Variants in PIK3C2A observed in about 807,000 individuals in gnomAD.
PIK3C2A encodes the protein phosphatidylinositol 4-phosphate 3-kinase C2 domain-containing subunit alpha.
PIK3C2A carries 97 observed loss-of-function variants against 204.5 expected under a neutral mutation model. The observed-to-expected ratio is 0.47, with a 90% confidence interval of 0.40 to 0.56. PIK3C2A has a LOEUF of 0.56. Ranked by LOEUF, PIK3C2A falls within the 20% of genes least tolerant of loss-of-function variation. The pLI is 0.00. For synonymous variants in PIK3C2A, 653 were observed against 664.4 expected, an observed-to-expected ratio of 0.98 and a Z score of 0.26; for missense variants, 1,735 against 1,969.2, an observed-to-expected ratio of 0.88 and a Z score of 2.25.
intron 1 of PIK3C2A, among the ~76,000 whole-genome samples, chr11:17,189,428 A>G (rs1374986586): frequency 1.4e-5 from 2 of 146,138 alleles, no homozygotes; most frequent in East Asian, 3.9e-4. Context: ...CAGCGTGGCC[A>G]AGATGGTGAA....
chr11:17,145,712 A>C lies in PIK3C2A; in HGVS notation c.1660T>G (p.Leu554Val). ...TCTACTTGGTTGTGATAAGAATCTA[A>C]GAGTTCTTCAACAGGGTGTCTGAAA... ...AMTRHPVEEL[L>V]DSYHNQVELA... is the part of the protein sequence containing the mutation. Residue 554 changes from leucine to valine, a missense_variant, in exon 8 of 33, where the codon TTA becomes GTA. Coordinates refer to ENST00000691414, the MANE Select transcript of PIK3C2A (RefSeq NM_002645.4). The C allele has an allele frequency of 6.2e-7, 1 of 1,607,894 alleles. No homozygotes were observed. The highest frequency in any genetic ancestry group is 8.5e-7 in the Non-Finnish European group (1 of 1,174,610).
In PIK3C2A at chr11:17,089,432, C is replaced by G. The variant is rs2137254732; in HGVS notation, c.*306G>C. 4.7e-6 allele frequency: 1 copy of G among 212,636 alleles called. No individual in the cohort carries two copies. The highest frequency in any genetic ancestry group is 9.3e-6 in the Non-Finnish European group (1 of 107,644). The allele number at this position is 212,636 out of a possible 1,614,324, so 13.2% of individuals were successfully genotyped here. On this transcript the variant is annotated 3_prime_UTR_variant, in exon 33 of 33. Transcript: ENST00000691414. ...AAACAATGCAAAATAGGTGGCTGAA[C>G]TGACATAGTACTGTCTCAAAGTCTT... is the stretch of plus-strand genomic sequence containing the variant.
chr11:17,134,316 T>C (rs1332939716), intron 11 of PIK3C2A, among the ~76,000 whole-genome samples: 1 of 152,064 alleles, frequency 6.6e-6, no homozygotes, highest in East Asian at 1.9e-4. Flanking sequence ...GCAATACTCC[T>C]GCCTCAGCCT....
chr11:17,139,208 C>T (rs529981416), intron 8 of PIK3C2A, among the ~76,000 whole-genome samples: 8 of 151,354 alleles, frequency 5.3e-5, no homozygotes, highest in South Asian at 4.2e-4. Context: ...CCACCACGCC[C>T]GGCCTAATGA....
At chr11:17,149,716 AAAC>A (rs915616290) in intron 4 of PIK3C2A, among the ~76,000 whole-genome samples, 37 of 152,122 alleles carry the variant, frequency 2.4e-4, no homozygotes, top group African/African-American at 7.2e-4. Flanking sequence ...CTCTCTCAAA[AAAC>A]AACAACAACA....
intron 1 of PIK3C2A, among the ~76,000 whole-genome samples, chr11:17,190,806 G>C (rs1234202292): frequency 6.6e-6 from 1 of 152,086 alleles, no homozygotes; most frequent in African/African-American, 2.4e-5. Context: ...GAGAAAAAGA[G>C]GGGGAAGGGT....
chr11:17,192,703 T>A (rs1009811676), intron 1 of PIK3C2A, among the ~76,000 whole-genome samples: 1 of 152,304 alleles, frequency 6.6e-6, no homozygotes, highest in South Asian at 2.1e-4. Flanking sequence ...CTCCTCAGCC[T>A]CCCAGAGTGC....
chr11:17,201,328 A>G (rs1852365242), intron 1 of PIK3C2A, among the ~76,000 whole-genome samples: 2 of 151,992 alleles, frequency 1.3e-5, no homozygotes, highest in Non-Finnish European at 2.9e-5. Context: ...AAAGATTGAG[A>G]CCATCCTGGC....
At chr11:17,102,926 C>A (rs937726040) in intron 23 of PIK3C2A, 95 bp from the exon 24 acceptor site, 1 of 757,168 alleles carries the variant, frequency 1.3e-6, no homozygotes, top group Non-Finnish European at 2.1e-6. Flanking sequence ...TCTTTAAAAA[C>A]ACTATTGTAA....
chr11:17,173,179 A>C (rs945254482), intron 1 of PIK3C2A, among the ~76,000 whole-genome samples: 1 of 152,064 alleles, frequency 6.6e-6, no homozygotes, highest in Non-Finnish European at 1.5e-5. Context: ...GTTTTTGCCT[A>C]TCAACATCTT....
At chr11:17,096,091 C>T (rs1025046026) in intron 27 of PIK3C2A, among the ~76,000 whole-genome samples, 6 of 150,636 alleles carry the variant, frequency 4.0e-5, no homozygotes, top group Admixed American at 2.0e-4. Flanking sequence ...CAGCCTGGAG[C>T]GCAATGGCAC....
intron 24 of PIK3C2A, among the ~76,000 whole-genome samples, 169 bp from the exon 25 acceptor site, chr11:17,101,603 T>C (rs1287790051): frequency 7.9e-5 from 12 of 151,708 alleles, no homozygotes; most frequent in Admixed American, 5.9e-4. Flanking sequence ...TTTTCTTTTT[T>C]TTTCTTTTTT....
At position 17,097,201 on chromosome 11, in the gene PIK3C2A, A is replaced by G. The variant is rs1282982341; in HGVS notation, c.4182T>C (p.Ala1394=). The G allele has an allele frequency of 1.2e-6, 2 of 1,613,872 alleles. No individual in the cohort carries two copies. Among genetic ancestry groups the G allele is most frequent in the Admixed American group, 3.3e-5 (2 of 60,022 alleles). ...TKFNFFIHNL[A]QLRFSGLPSN... ...AAGGAAGACCAGAAAAACGAAGCTGAGCAAGGTTGTGAATGAAGAAGTTAA... is the reference window on the plus strand; with the variant it reads ...AAGGAAGACCAGAAAAACGAAGCTGGGCAAGGTTGTGAATGAAGAAGTTAA... The change falls in exon 27 of 33, where the codon GCT becomes GCC. Residue 1394 remains alanine (A), a synonymous_variant. Coordinates refer to ENST00000691414, the MANE Select transcript of PIK3C2A (RefSeq NM_002645.4).
intron 20 of PIK3C2A, among the ~76,000 whole-genome samples, chr11:17,113,995 G>C (rs917430024): frequency 1.3e-5 from 2 of 151,748 alleles, no homozygotes; most frequent in African/African-American, 4.8e-5. Context: ...CAGGAGAATC[G>C]CTTGAACTTG....
chr11:17,138,912 A>ATT (rs777323309), intron 8 of PIK3C2A, among the ~76,000 whole-genome samples: 4 of 147,396 alleles, frequency 2.7e-5, no homozygotes, highest in African/African-American at 9.9e-5. Context: ...CTAATTAATG[A>ATT]TTTTTTTTTT....
At chr11:17,176,587 G>A (rs532593669) in intron 1 of PIK3C2A, among the ~76,000 whole-genome samples, 1 of 151,908 alleles carries the variant, frequency 6.6e-6, no homozygotes, top group Admixed American at 6.6e-5. Flanking sequence ...TCAAGAGTTC[G>A]AGACCAGCGT....
At chr11:17,097,509 T>C (rs1394242524) in intron 26 of PIK3C2A, among the ~76,000 whole-genome samples, 1 of 152,228 alleles carries the variant, frequency 6.6e-6, no homozygotes, top group Admixed American at 6.5e-5. Flanking sequence ...TCCCCAAGAC[T>C]AATTAAAGAG....
chr11:17,204,758 G>A (rs1400931917), intron 1 of PIK3C2A, among the ~76,000 whole-genome samples: 1 of 152,136 alleles, frequency 6.6e-6, no homozygotes, highest in Non-Finnish European at 1.5e-5. Context: ...GCTTTGAGAG[G>A]GTTAATTTTT....
At chr11:17,181,695 AAC>A (rs1453685281) in intron 1 of PIK3C2A, among the ~76,000 whole-genome samples, 22 of 107,918 alleles carry the variant, frequency 2.0e-4, no homozygotes, top group East Asian at 7.1e-4. Flanking sequence ...CACACACACA[AAC>A]ACACACACAC....
Sources: allele counts gnomAD v4.1 joint callset (sites outside exome capture counted in the v4.1 genomes callset), GRCh38; gene constraint gnomAD v4.1.1; transcripts MANE v1.5; gene names NCBI Gene and HGNC (gene_info 2026-07-23, HGNC 2026-07-21).